Variants in FAM185A observed in about 807,000 individuals in gnomAD.
The protein encoded by FAM185A is protein FAM185A.
Under a neutral mutation model 45.7 loss-of-function variants are expected in FAM185A, and 21 were observed. The ratio of observed to expected loss-of-function variants is 0.46; its 90% CI spans 0.33 to 0.66. The LOEUF is 0.66. Among genes scored for constraint, FAM185A ranks in the 30% least tolerant of loss-of-function variants. FAM185A has a pLI of 0.03. For missense variants in FAM185A, 305 were observed against 485.4 expected, an observed-to-expected ratio of 0.63 and a Z score of 3.49; for synonymous variants, 117 against 194.0, an observed-to-expected ratio of 0.60 and a Z score of 3.30.
the FAM185A span, among the ~76,000 whole-genome samples, chr7:102,843,080 C>T: frequency 6.6e-6 from 1 of 152,012 alleles, no homozygotes; most frequent in African/African-American, 2.4e-5. Context: ...TTTTTAAAAT[C>T]GAAAGTTTAT....
At position 102,784,211 on chromosome 7, in the gene FAM185A, A is replaced by G. The variant is rs756905626; in HGVS notation, c.932-3124A>G. Among the ~76,000 whole-genome samples the G allele has an allele frequency of 8.4e-3, 1,265 of 151,152 alleles. 21 individuals are homozygous for G. Among genetic ancestry groups the G allele is most frequent in the African/African-American group, 0.029 (1,208 of 41,122 alleles). On this transcript the variant is annotated intron_variant, in intron 6 of 7. Transcript: ENST00000413034. ...TAATTAATAGCTTACCAACCAAAAA[A>G]AGTCCAGGACCAGATGGATTCACAG...
the FAM185A span, among the ~76,000 whole-genome samples, chr7:102,827,970 G>A: frequency 1.3e-5 from 2 of 152,164 alleles, no homozygotes; most frequent in Non-Finnish European, 2.9e-5. Context: ...GTACCATGCT[G>A]TTTTGGTTAC....
At chr7:102,761,553 A>C (rs1033475611) in intron 4 of FAM185A, 142 bp downstream of exon 4, 17 of 684,960 alleles carry the variant, frequency 2.5e-5, no homozygotes, top group Non-Finnish European at 2.1e-6. Flanking sequence ...AAAAAAAAAA[A>C]CCATAAAAAT....
chr7:102,802,072 G>A (rs1390867656), intron 7 of FAM185A, among the ~76,000 whole-genome samples: 1 of 152,090 alleles, frequency 6.6e-6, no homozygotes, highest in African/African-American at 2.4e-5. Context: ...AAATGAGACA[G>A]ACAGCAACAC....
intron 2 of FAM185A, among the ~76,000 whole-genome samples, chr7:102,752,434 G>A (rs143756330): frequency 0.036 from 5,424 of 152,030 alleles, 72 homozygotes; most frequent in African/African-American, 0.058. Context: ...ACCACACTCA[G>A]TTAATTTTTG....
chr7:102,750,854 A>T (rs1025471074), intron 1 of FAM185A, among the ~76,000 whole-genome samples: 3 of 152,154 alleles, frequency 2.0e-5, no homozygotes, highest in Admixed American at 6.6e-5. Flanking sequence ...TTATTTTCCA[A>T]ACTTGCTTCA....
chr7:102,815,642 A>G, the FAM185A span, among the ~76,000 whole-genome samples: 1 of 152,180 alleles, frequency 6.6e-6, no homozygotes, highest in Non-Finnish European at 1.5e-5. Flanking sequence ...ATCTTGACCT[A>G]TAGGAAAAGG....
chr7:102,831,544 C>T, the FAM185A span, among the ~76,000 whole-genome samples: 2 of 152,010 alleles, frequency 1.3e-5, no homozygotes, highest in East Asian at 1.9e-4. Flanking sequence ...AGACAGTTGC[C>T]CAGATTTATG....
intron 5 of FAM185A, among the ~76,000 whole-genome samples, chr7:102,774,201 CTG>C (rs1374098402): frequency 2.6e-5 from 4 of 152,156 alleles, no homozygotes; most frequent in African/African-American, 9.6e-5. Context: ...GTTTTTAACA[CTG>C]TTACAAATGA....
chr7:102,798,909 A>G (rs1315482613), intron 7 of FAM185A, among the ~76,000 whole-genome samples: 1 of 151,880 alleles, frequency 6.6e-6, no homozygotes, highest in Non-Finnish European at 1.5e-5. Context: ...CACCACGCCC[A>G]GCTAATTTTT....
rs896476286 is a variant in FAM185A at position 102,808,974 on chromosome 7, G to C, written c.*572G>C. On this transcript the variant is annotated 3_prime_UTR_variant, in exon 8 of 8. Coordinates refer to ENST00000413034, the MANE Select transcript of FAM185A (RefSeq NM_001145268.2). ...ATATATACTTTTAAAGGGCTCACTT[G>C]ATTAGGTCAGGCCCACCCAGGATAA... 1 of 153,158 alleles carries C rather than the reference G, an allele frequency of 6.5e-6. No homozygotes were observed. The highest frequency in any genetic ancestry group is 2.4e-5 in the African/African-American group (1 of 41,464). 9.5% of individuals were successfully genotyped at this position (153,158 alleles called of 1,614,324 possible).
chr7:102,830,829 AT>A, the FAM185A span, among the ~76,000 whole-genome samples: 1 of 152,200 alleles, frequency 6.6e-6, no homozygotes, highest in Non-Finnish European at 1.5e-5. Flanking sequence ...TTTCAAAAAA[AT>A]TTCTTAGTTT....
chr7:102,797,160 T>C (rs1160367533), intron 7 of FAM185A, among the ~76,000 whole-genome samples: 1 of 152,156 alleles, frequency 6.6e-6, no homozygotes, highest in Non-Finnish European at 1.5e-5. Context: ...GAGAAGATTG[T>C]AAAAAGTTAA....
the FAM185A span, among the ~76,000 whole-genome samples, chr7:102,846,615 C>CAAA: frequency 4.2e-4 from 52 of 122,474 alleles, no homozygotes; most frequent in Non-Finnish European, 5.1e-4. Context: ...GACTCAGTCT[C>CAAA]AAAAAAAAAA....
At chr7:102,849,344 G>A in the FAM185A span, among the ~76,000 whole-genome samples, 1 of 152,176 alleles carries the variant, frequency 6.6e-6, no homozygotes, top group African/African-American at 2.4e-5. Context: ...CAATACATCT[G>A]AGGCTCCAGA....
At chr7:102,787,506 C>T in intron 7 of FAM185A, 37 bp downstream of exon 7, 3 of 1,389,742 alleles carry the variant, frequency 2.2e-6, no homozygotes, top group Non-Finnish European at 2.8e-6. Flanking sequence ...AGATGAATAG[C>T]CATTCTCCAT....
intron 6 of FAM185A, among the ~76,000 whole-genome samples, chr7:102,782,948 G>A (rs2129440085): frequency 6.6e-6 from 1 of 151,152 alleles, no homozygotes; most frequent in Non-Finnish European, 1.5e-5. Flanking sequence ...ATAAAGGATG[G>A]AGGAAGATCT....
At chr7:102,830,457 G>A in the FAM185A span, among the ~76,000 whole-genome samples, 1 of 152,206 alleles carries the variant, frequency 6.6e-6, no homozygotes, top group African/African-American at 2.4e-5. Context: ...CAGTTGGTCA[G>A]CGCTTCTAGT....
At chr7:102,837,910 ACTT>A in the FAM185A span, among the ~76,000 whole-genome samples, 1 of 152,166 alleles carries the variant, frequency 6.6e-6, no homozygotes. Flanking sequence ...ATTGACTGTA[ACTT>A]CTTGAGGGTA....
Sources: gnomAD v4.1 joint callset for allele counts (sites outside exome capture counted in the v4.1 genomes callset) on GRCh38, gnomAD v4.1.1 for gene constraint, MANE v1.5 for transcripts, NCBI Gene and HGNC (gene_info 2026-07-23, HGNC 2026-07-21) for gene names.